MARCHF1: variants seen among roughly 807,000 people sequenced by gnomAD.
MARCHF1 encodes the protein E3 ubiquitin-protein ligase MARCHF1.
A neutral mutation model predicts 54.2 loss-of-function variants in MARCHF1; 40 were observed. The ratio of observed to expected loss-of-function variants is 0.74; its 90% CI spans 0.57 to 0.96. The LOEUF is 0.96. Ranked by LOEUF, MARCHF1 falls within the 40% of genes least tolerant of loss-of-function variation. The pLI is 0.00. For missense variants in MARCHF1, 586 were observed against 656.5 expected, an observed-to-expected ratio of 0.89 and a Z score of 1.17; for synonymous variants, 236 against 236.3, an observed-to-expected ratio of 1.00 and a Z score of 0.01.
chr4:164,300,523 A>T (rs1734528445), intron 1 of MARCHF1, among the ~76,000 whole-genome samples: 2 of 152,148 alleles, frequency 1.3e-5, no homozygotes, highest in South Asian at 4.1e-4. Context: ...GAAGACATGC[A>T]TGAAATCAAC....
intron 5 of MARCHF1, among the ~76,000 whole-genome samples, chr4:163,636,100 C>T (rs1315004697): frequency 6.6e-6 from 1 of 151,968 alleles, no homozygotes; most frequent in East Asian, 1.9e-4. Context: ...TATTTCAAAA[C>T]AATAAGAGCT....
intron 5 of MARCHF1, among the ~76,000 whole-genome samples, chr4:163,619,528 A>G (rs182043950): frequency 5.9e-5 from 9 of 152,312 alleles, no homozygotes; most frequent in Admixed American, 2.0e-4. Context: ...GTATAATTCT[A>G]GAAATTAACA....
chr4:163,638,352 A>G (rs1036894935), intron 5 of MARCHF1, among the ~76,000 whole-genome samples: 1 of 151,986 alleles, frequency 6.6e-6, no homozygotes, highest in African/African-American at 2.4e-5. Context: ...GCTTAGTCCC[A>G]TCGTCTTGGT....
chr4:164,159,622 T>C (rs1269222377), intron 1 of MARCHF1, among the ~76,000 whole-genome samples: 2 of 152,176 alleles, frequency 1.3e-5, no homozygotes, highest in Non-Finnish European at 2.9e-5. Context: ...CAGCACGTTC[T>C]CAATATGAGC....
intron 1 of MARCHF1, among the ~76,000 whole-genome samples, chr4:164,377,937 A>T (rs1256196137): frequency 1.3e-5 from 2 of 152,214 alleles, no homozygotes; most frequent in Non-Finnish European, 2.9e-5. Flanking sequence ...TACCATCAAG[A>T]AATGATCTTT....
intron 3 of MARCHF1, among the ~76,000 whole-genome samples, chr4:163,856,197 C>T (rs1304053733): frequency 6.6e-6 from 1 of 152,136 alleles, no homozygotes; most frequent in African/African-American, 2.4e-5. Flanking sequence ...GCTACACCTG[C>T]TGAAGTATTA....
At chr4:163,624,598 G>C (rs1179278235) in intron 5 of MARCHF1, among the ~76,000 whole-genome samples, 1 of 152,204 alleles carries the variant, frequency 6.6e-6, no homozygotes, top group East Asian at 1.9e-4. Flanking sequence ...GAGGATTAGG[G>C]AGAGATGAGG....
intron 5 of MARCHF1, among the ~76,000 whole-genome samples, chr4:163,697,706 A>G (rs949820802): frequency 2.0e-5 from 3 of 152,216 alleles, no homozygotes; most frequent in African/African-American, 7.2e-5. Context: ...TGGCATAAGC[A>G]GATAAAAGGT....
At chr4:163,682,919 G>A (rs758916079) in intron 5 of MARCHF1, among the ~76,000 whole-genome samples, 3 of 152,118 alleles carry the variant, frequency 2.0e-5, no homozygotes, top group African/African-American at 7.2e-5. Context: ...AGCAGTGTGA[G>A]AACGGGCTAA....
chr4:163,747,217 C>T (rs1243080235), intron 4 of MARCHF1, among the ~76,000 whole-genome samples: 2 of 152,178 alleles, frequency 1.3e-5, no homozygotes, highest in Non-Finnish European at 2.9e-5. Flanking sequence ...AAAATATTCT[C>T]CTTTGAGAAT....
chr4:163,943,042 A>G (rs1384089440), intron 3 of MARCHF1, among the ~76,000 whole-genome samples: 1 of 151,972 alleles, frequency 6.6e-6, no homozygotes, highest in African/African-American at 2.4e-5. Context: ...TTTTTAATGA[A>G]GTTTTTTCCT....
intron 1 of MARCHF1, among the ~76,000 whole-genome samples, chr4:164,245,543 A>G (rs1732921471): frequency 6.6e-6 from 1 of 151,792 alleles, no homozygotes; most frequent in African/African-American, 2.4e-5. Context: ...CTGGCACAAG[A>G]CAGGGATGCC....
At chr4:164,312,098 T>C (rs1579711245) in intron 1 of MARCHF1, among the ~76,000 whole-genome samples, 1 of 152,258 alleles carries the variant, frequency 6.6e-6, no homozygotes, top group East Asian at 1.9e-4. Context: ...AATTTTCTTG[T>C]TACCGCAGAC....
At chr4:164,307,681 A>G (rs1480322960) in intron 1 of MARCHF1, among the ~76,000 whole-genome samples, 2 of 152,266 alleles carry the variant, frequency 1.3e-5, no homozygotes, top group South Asian at 2.1e-4. Flanking sequence ...CACCCTCTAC[A>G]TAAGAGACTG....
chr4:164,257,297 T>C (rs1312328612), intron 1 of MARCHF1, among the ~76,000 whole-genome samples: 1 of 151,954 alleles, frequency 6.6e-6, no homozygotes, highest in Non-Finnish European at 1.5e-5. Flanking sequence ...TTTATCTTAA[T>C]TTTTTTTAAA....
At chr4:164,176,980 C>CTCTCTCTCTCTCTCTATA (rs1466683245) in intron 1 of MARCHF1, among the ~76,000 whole-genome samples, 1 of 58,916 alleles carries the variant, frequency 1.7e-5, no homozygotes, top group African/African-American at 7.2e-5. Flanking sequence ...CTCTCTCTCT[C>CTCTCTCTCTCTCTCTATA]TATATATATA....
At position 163,877,772 on chromosome 4, in the gene MARCHF1, A is replaced by G. The variant is rs73868923; in HGVS notation, c.-38-23603T>C. Among the ~76,000 whole-genome samples the G allele has an allele frequency of 4.6e-3, 704 of 152,230 alleles. 10 individuals are homozygous for G. Among genetic ancestry groups the G allele is most frequent in the African/African-American group, 0.016 (682 of 41,516 alleles). On this transcript the variant is annotated intron_variant, in intron 3 of 9. Coordinates refer to ENST00000514618, the MANE Select transcript of MARCHF1 (RefSeq NM_001394959.1). ...GCTACCATCTTGGATCTCCTCACCC[A>G]TACTCTGGTCCTCATACAGTATATT...
At chr4:164,038,552 T>C (rs1438537611) in intron 2 of MARCHF1, among the ~76,000 whole-genome samples, 1 of 152,146 alleles carries the variant, frequency 6.6e-6, no homozygotes, top group African/African-American at 2.4e-5. Context: ...TGAACTATCT[T>C]ATTAAAATTT....
chr4:164,283,377 A>G (rs1734071750), intron 1 of MARCHF1, among the ~76,000 whole-genome samples: 1 of 150,902 alleles, frequency 6.6e-6, no homozygotes, highest in Non-Finnish European at 1.5e-5. Context: ...CATTCACAGC[A>G]TATATAAGCT....
Sources: allele counts gnomAD v4.1 joint callset (sites outside exome capture counted in the v4.1 genomes callset), GRCh38; gene constraint gnomAD v4.1.1; transcripts MANE v1.5; gene names NCBI Gene and HGNC (gene_info 2026-07-23, HGNC 2026-07-21).